The following MYBBP1A variants were observed in gnomAD, a reference collection of about 807,000 sequenced individuals.
MYBBP1A encodes MYB binding protein 1a, also known as myb-binding protein 1A.
MYBBP1A carries 147 observed loss-of-function variants against 136.3 expected under a neutral mutation model. That is an observed-to-expected ratio of 1.08 (90% CI 0.94 to 1.24). MYBBP1A has a LOEUF of 1.24. Ranked by LOEUF, MYBBP1A falls within the 50% of genes most tolerant of loss-of-function variation. The probability of loss-of-function intolerance (pLI) is 0.00; values close to 1 mark genes in which losing one functional copy is unlikely to be tolerated. For missense variants in MYBBP1A, 2,060 were observed against 1,727.4 expected, an observed-to-expected ratio of 1.19 and a Z score of -3.41; for synonymous variants, 947 against 735.8, an observed-to-expected ratio of 1.29 and a Z score of -4.65.
chr17:4,540,164 C>T (rs756363854), intron 25 of MYBBP1A, among the ~76,000 whole-genome samples, 184 bp downstream of exon 25: 7 of 124,068 alleles, frequency 5.6e-5, no homozygotes, highest in East Asian at 2.1e-4. Flanking sequence ...GAGGCTCCTG[C>T]GAGGGTCCTG....
In MYBBP1A at chr17:4,552,431, T is replaced by G; in HGVS notation, c.737+20A>C. Reference sequence around the variant, plus strand: ...GTCCCTTGGCCCCAGGGAGGGCAAATCCGCCCACCTCCATCACACCTGGGG... The same window carrying G: ...GTCCCTTGGCCCCAGGGAGGGCAAAGCCGCCCACCTCCATCACACCTGGGG... On this transcript the variant is annotated intron_variant, in intron 6 of 25. Coordinates refer to ENST00000254718, the MANE Select transcript of MYBBP1A (RefSeq NM_014520.4). The surrounding 1 kb of genome is among the most constrained non-coding windows in gnomAD (Gnocchi z 4.7). 6.2e-7 allele frequency: 1 copy of G among 1,609,978 alleles called. No individual in the cohort carries two copies.
At chr17:4,546,059 C>T in intron 13 of MYBBP1A, 117 bp from the exon 14 acceptor site, 1 of 826,472 alleles carries the variant, frequency 1.2e-6, no homozygotes, top group Non-Finnish European at 1.9e-6. Context: ...CACCCAGCCA[C>T]TGGCCCGCCC....
rs1158209744 is a variant in MYBBP1A at position 4,542,528 on chromosome 17, A to AGCACCT, written c.3019-2_3022dup (p.Val1007_Leu1008insGlnVal). On this transcript the variant is annotated inframe_insertion, in exon 22 of 26. Coordinates refer to ENST00000254718, the MANE Select transcript of MYBBP1A (RefSeq NM_014520.4). Reference sequence around the variant, plus strand: ...CAGGATGGGGAGCAGGCTCTGACAGAGCACCTGGTGGGGAGTGACAAGGGC... The same window carrying AGCACCT: ...CAGGATGGGGAGCAGGCTCTGACAGAGCACCTGCACCTGGTGGGGAGTGACAAGGGC... 1 of 1,612,350 alleles carries AGCACCT rather than the reference A, an allele frequency of 6.2e-7. No individual in the cohort carries two copies. The highest frequency in any genetic ancestry group is 1.1e-5 in the South Asian group (1 of 90,956).
At position 4,548,179 on chromosome 17, in the gene MYBBP1A, G is replaced by A; in HGVS notation, c.1688C>T (p.Thr563Ile). ...LNHSHNVTTVTPFTAQQRQAW... is the reference protein window; with the variant it reads ...LNHSHNVTTVIPFTAQQRQAW... ...CTGGCGCTGCTGCGCAGTGAAGGGT[G>A]TCACGGTGGTCACGTTGTGGCTGTG... Residue 563 changes from threonine to isoleucine, a missense_variant, in exon 12 of 26, where the codon ACA becomes ATA. Transcript: ENST00000254718. This position sits in a 1 kb window ranked among gnomAD's most constrained non-coding sequence, Gnocchi z 4.2. 1 of 1,605,818 alleles carries A rather than the reference G, an allele frequency of 6.2e-7. No homozygotes were observed. The highest frequency in any genetic ancestry group is 8.5e-7 in the Non-Finnish European group (1 of 1,179,980).
intron 23 of MYBBP1A, 70 bp downstream of exon 23, chr17:4,541,714 T>C: frequency 1.3e-6 from 2 of 1,506,994 alleles, no homozygotes; most frequent in South Asian, 1.1e-5. Flanking sequence ...TCCTCACTTC[T>C]TTCCCAGAGA....
chr17:4,546,696 C>T lies in MYBBP1A; in HGVS notation c.1825-754G>A, dbSNP rs188631740. Among the ~76,000 whole-genome samples, 29 of 152,320 alleles carry T rather than the reference C, an allele frequency of 1.9e-4. No homozygotes were observed. In the East Asian group the frequency reaches 5.4e-3, roughly 28 times the overall value. ...ATCTGACTGGGGATAACCCCAGACT[C>T]GAGTGAGGTGGCGTGGTGTGCGCAT... On this transcript the variant is annotated intron_variant, in intron 13 of 25. Coordinates refer to ENST00000254718, the MANE Select transcript of MYBBP1A (RefSeq NM_014520.4).
chr17:4,540,058 C>G (rs376652443), intron 25 of MYBBP1A, 91 bp from the exon 26 acceptor site: 3 of 1,430,214 alleles, frequency 2.1e-6, no homozygotes, highest in Non-Finnish European at 2.8e-6. Context: ...TTCTGAGGGT[C>G]CTCTGAGGCC....
rs1567602574 is a variant in MYBBP1A at position 4,540,414 on chromosome 17, G to A, written c.3368C>T (p.Ala1123Val). Residue 1123 changes from alanine to valine, a missense_variant, in exon 25 of 26, where the codon GCA becomes GTA. By Grantham distance (64) the Ala-to-Val change is moderately conservative. Transcript: ENST00000254718. ...CAGGCGGCTGGAGCCGGTGGAGTGT[G>A]CCCCCTGCTGTAGGCTCTGCTGTTG... Reference protein sequence around the residue: ...QGQQQSLQQGAHSTGSSRLHD... With the variant: ...QGQQQSLQQGVHSTGSSRLHD... The A allele has an allele frequency of 3.1e-6, 5 of 1,610,834 alleles. No homozygotes were observed. Among genetic ancestry groups the A allele is most frequent in the African/African-American group, 1.3e-5 (1 of 75,024 alleles).
At chr17:4,547,084 G>T (rs930872472) in intron 13 of MYBBP1A, among the ~76,000 whole-genome samples, 3 of 152,018 alleles carry the variant, frequency 2.0e-5, no homozygotes, top group Admixed American at 6.6e-5. Context: ...GCTAATTTTT[G>T]TATTTTAGTA....
chr17:4,548,341 G>T lies in MYBBP1A; in HGVS notation c.1557-31C>A. 6.2e-7 allele frequency: 1 copy of T among 1,608,722 alleles called. No individual in the cohort carries two copies. Among genetic ancestry groups the T allele is most frequent in the South Asian group, 1.1e-5 (1 of 90,986 alleles). On this transcript the variant is annotated intron_variant, in intron 11 of 25. Coordinates refer to ENST00000254718, the MANE Select transcript of MYBBP1A (RefSeq NM_014520.4). This position sits in a 1 kb window ranked among gnomAD's most constrained non-coding sequence, Gnocchi z 4.2. ...CAAGGGATGGGGCTTGGGGTCAGCA[G>T]ACCAGATGAGTCAATGTAGCCGCCT... is the stretch of plus-strand genomic sequence containing the variant.
chr17:4,542,586 T>C (rs1182824342), intron 21 of MYBBP1A, 30 bp downstream of exon 21: 4 of 1,613,054 alleles, frequency 2.5e-6, no homozygotes, highest in South Asian at 2.2e-5. Flanking sequence ...GCAGGGACCA[T>C]GAGGAAGCAG....
chr17:4,545,047 C>A lies in MYBBP1A; in HGVS notation c.2289G>T (p.Val763=), dbSNP rs1233006200. The change falls in exon 17 of 26, where the codon GTG becomes GTT. Residue 763 remains valine, a synonymous_variant. Transcript: ENST00000254718. ...TCACCAGCGCCTTCCCAGCCTGCAG[C>A]ACGGTCATCAGCTGTTCCCGGAAGC... is the stretch of plus-strand genomic sequence containing the variant. ...DQGFREQLMT[V]LQAGKALGGE... is the part of the protein sequence containing the mutation. 2 of 1,544,904 alleles carry A rather than the reference C, an allele frequency of 1.3e-6. No homozygotes were observed. Among genetic ancestry groups the A allele is most frequent in the Admixed American group, 3.9e-5 (2 of 50,684 alleles).
rs1162735672 is a variant in MYBBP1A, at chr17:4,552,052, A to G, written c.906-55T>C. 2 of 1,593,692 alleles carry G rather than the reference A, an allele frequency of 1.3e-6. No individual in the cohort carries two copies. Among genetic ancestry groups the G allele is most frequent in the Non-Finnish European group, 1.7e-6 (2 of 1,167,320 alleles). Reference sequence around the variant, plus strand: ...AGAGCCCTTGGTGCCCCTGGTGGGAACCTCAGGACTAGTGGCCTAGCCCAC... The same window carrying G: ...AGAGCCCTTGGTGCCCCTGGTGGGAGCCTCAGGACTAGTGGCCTAGCCCAC... On this transcript the variant is annotated intron_variant, in intron 7 of 25. Transcript: ENST00000254718. This position sits in a 1 kb window ranked among gnomAD's most constrained non-coding sequence, Gnocchi z 4.7.
At chr17:4,545,462 G>A (rs76924683) in intron 15 of MYBBP1A, 117 bp from the exon 16 acceptor site, 41,279 of 1,498,330 alleles carry the variant, frequency 0.028, 699 homozygotes, top group African/African-American at 0.032. Flanking sequence ...TAGGAGAGGC[G>A]GCCAGGCCAG....
At chr17:4,547,920 C>A in intron 13 of MYBBP1A, 38 bp downstream of exon 13, 1 of 1,431,490 alleles carries the variant, frequency 7.0e-7, no homozygotes, top group Non-Finnish European at 9.2e-7. Context: ...TGCCATAGAA[C>A]CCCAGGCTCA....
In MYBBP1A at chr17:4,539,286, C is replaced by T; in HGVS notation, c.*129G>A. 6 of 1,492,652 alleles carry T rather than the reference C, an allele frequency of 4.0e-6. 1 individual carries two copies. The South Asian group carries it at 8.4e-5, about 21-fold the overall frequency. 92.5% of individuals were successfully genotyped at this position (1,492,652 alleles called of 1,614,324 possible). A position where few individuals can be genotyped will look rare whatever the true frequency, so the allele number is the denominator to read the frequency against. On this transcript the variant is annotated 3_prime_UTR_variant, in exon 26 of 26. Transcript: ENST00000254718. ...AGCAGGATGCCCGGGCAGGCGGCAA[C>T]AGCCACCCTCCCCAGTGGCAGCGCC...
intron 24 of MYBBP1A, among the ~76,000 whole-genome samples, chr17:4,540,869 G>A (rs35043376): frequency 0.16 from 24,762 of 151,946 alleles, 2,773 homozygotes; most frequent in East Asian, 0.53. Flanking sequence ...GTTGGAATCC[G>A]CCAGCTTCCG....
At position 4,554,092 on chromosome 17, in the gene MYBBP1A, G is replaced by A. The variant is rs768879555; in HGVS notation, c.380C>T (p.Ala127Val). Reference sequence around the variant, plus strand: ...TGCAAAGAGAGCAGGTCTCAGCATTGCCTAGAAAAGGATTCCAGGCACAGG... The same window carrying A: ...TGCAAAGAGAGCAGGTCTCAGCATTACCTAGAAAAGGATTCCAGGCACAGG... ...EKYDLHQVKK[A>V]MLRPALFANL... Residue 127 changes from alanine (A) to valine (V), a missense_variant and splice_region_variant, in exon 4 of 26, where the codon GCA (alanine) becomes GTA (valine). Coordinates refer to ENST00000254718, the MANE Select transcript of MYBBP1A (RefSeq NM_014520.4). 4.3e-6 allele frequency: 7 copies of A among 1,613,874 alleles called. No homozygotes were observed. Among genetic ancestry groups the A allele is most frequent in the East Asian group, 2.2e-5 (1 of 44,892 alleles).
rs148512163 is a variant in MYBBP1A at position 4,552,097 on chromosome 17, G to T, written c.905+28C>A. 1 of 1,606,698 alleles carries T rather than the reference G, an allele frequency of 6.2e-7. No homozygotes were observed. Among genetic ancestry groups the T allele is most frequent in the Non-Finnish European group, 8.5e-7 (1 of 1,175,906 alleles). ...GCCCACTTCACGGACAGGGAAGGGGGCCGAGAGAGGACACGCGTCGCCCGC... is the reference window on the plus strand; with the variant it reads ...GCCCACTTCACGGACAGGGAAGGGGTCCGAGAGAGGACACGCGTCGCCCGC... On this transcript the variant is annotated intron_variant, in intron 7 of 25. Transcript: ENST00000254718. The surrounding 1 kb of genome is among the most constrained non-coding windows in gnomAD (Gnocchi z 4.7).
Sources: gnomAD v4.1 joint callset for allele counts (sites outside exome capture counted in the v4.1 genomes callset) on GRCh38, gnomAD v4.1.1 for gene constraint, Gnocchi (gnomAD v3.1) non-coding constraint, MANE v1.5 for transcripts, NCBI Gene and HGNC (gene_info 2026-07-23, HGNC 2026-07-21) for gene names.